OR52N5: variants seen among roughly 807,000 people sequenced by gnomAD.
The protein encoded by OR52N5 is olfactory receptor family 52 subfamily N member 5.
OR52N5 carries 10 observed loss-of-function variants against 14.1 expected under a neutral mutation model. The ratio of observed to expected loss-of-function variants is 0.71; its 90% CI spans 0.44 to 1.20. The LOEUF (loss-of-function observed/expected upper bound fraction) is 1.20. OR52N5 is among the 50% of genes most tolerant of loss of function. OR52N5 has a pLI of 0.00. For synonymous variants in OR52N5, 116 were observed against 143.0 expected (o/e 0.81, Z 1.35); for missense variants, 361 against 403.2 (o/e 0.90, Z 0.90).
chr11:5,778,374 T>C lies in OR52N5; in HGVS notation c.261A>G (p.Leu87=), dbSNP rs771518859. The part of the protein sequence containing the change: ...LIDLLTCTTT[L]PNALCIFWFS... ...ACCAGAAGATGCAGAGTGCATTGGG[T>C]AGAGTGGTGGTGCAGGTAAGGAGGT... The change falls in exon 3 of 3, where the codon CTA becomes CTG. Residue 87 remains leucine, a synonymous_variant. Coordinates refer to ENST00000641181, the MANE Select transcript of OR52N5 (RefSeq NM_001385662.1). 2 of 1,518,482 alleles carry C rather than the reference T, an allele frequency of 1.3e-6. No individual in the cohort carries two copies. Among genetic ancestry groups the C allele is most frequent in the East Asian group, 4.7e-5 (2 of 42,750 alleles). 94.1% of individuals were successfully genotyped at this position (1,518,482 alleles called of 1,614,324 possible).
At position 5,782,227 on chromosome 11, in the gene OR52N5, C is replaced by T. The variant is rs1202335109; in HGVS notation, c.-247-471G>A. Among the ~76,000 whole-genome samples, 4 of 138,764 alleles carry T rather than the reference C, an allele frequency of 2.9e-5. 1 individual carries two copies. Among genetic ancestry groups the T allele is most frequent in the Admixed American group, 7.5e-5 (1 of 13,420 alleles). 91.0% of individuals were successfully genotyped at this position (138,764 alleles called of 152,430 possible). On this transcript the variant is annotated intron_variant, in intron 1 of 2. Coordinates refer to ENST00000641181, the MANE Select transcript of OR52N5 (RefSeq NM_001385662.1). ...AAATTAAAAAATATATATATATTATCGACTGTATCTGTGCCAGGCAATGTA... is the reference window on the plus strand; with the variant it reads ...AAATTAAAAAATATATATATATTATTGACTGTATCTGTGCCAGGCAATGTA...
chr11:5,782,219 T>C (rs940202798), intron 1 of OR52N5, among the ~76,000 whole-genome samples: 2 of 139,308 alleles, frequency 1.4e-5, no homozygotes, highest in South Asian at 4.7e-4. Context: ...AAAATATATA[T>C]ATATTATCGA....
intron 1 of OR52N5, among the ~76,000 whole-genome samples, chr11:5,782,148 C>A (rs1854553547): frequency 7.1e-6 from 1 of 140,066 alleles, no homozygotes; most frequent in Non-Finnish European, 1.6e-5. Context: ...GTAATTGAAT[C>A]TGAATGTCTC....
At chr11:5,778,719 AT>A in intron 2 of OR52N5, 62 bp from the exon 3 acceptor site, 2 of 932,792 alleles carry the variant, frequency 2.1e-6, no homozygotes, top group Non-Finnish European at 3.1e-6. Flanking sequence ...ACAAATTCAA[AT>A]TTAGAATAAA....
chr11:5,781,159 G>A (rs539708996), intron 2 of OR52N5, among the ~76,000 whole-genome samples: 1 of 140,018 alleles, frequency 7.1e-6, no homozygotes, highest in Admixed American at 7.4e-5. Context: ...TAATGCAGAA[G>A]TTGTGGACTA....
rs1444933991 is a variant in OR52N5 at position 5,777,843 on chromosome 11, T to A, written c.792A>T (p.Ala264=). ...AACGGTGGGCAAAGAAAGTGAAGAA[T>A]GCTGGAACATAGGTGATGATGATGG... ...ISAIIITYVP[A]FFTFFAHRFG... is the part of the protein sequence containing the mutation. Residue 264 remains alanine, a synonymous_variant, in exon 3 of 3, where the codon GCA becomes GCT. Transcript: ENST00000641181. 2.0e-6 allele frequency: 3 copies of A among 1,519,666 alleles called. No individual in the cohort carries two copies. The highest frequency in any genetic ancestry group is 1.8e-4 in the Middle Eastern group (1 of 5,484). The allele number at this position is 1,519,666 out of a possible 1,614,324, so 94.1% of individuals were successfully genotyped here.
chr11:5,779,029 G>C (rs1257363092), intron 2 of OR52N5, among the ~76,000 whole-genome samples: 1 of 140,172 alleles, frequency 7.1e-6, no homozygotes, highest in Non-Finnish European at 1.6e-5. Context: ...CTTCACAGAG[G>C]ACATATCCTA....
Position 5,780,596 on chromosome 11 carries a change from T to TA in OR52N5, c.-24+936dup, listed in dbSNP as rs1249587618. Among the ~76,000 whole-genome samples the TA allele has an allele frequency of 4.3e-5, 6 of 139,242 alleles. 2 individuals carry two copies. The highest frequency in any genetic ancestry group is 1.6e-4 in the African/African-American group (6 of 38,236). 91.3% of individuals were successfully genotyped at this position (139,242 alleles called of 152,430 possible). A position where few individuals can be genotyped will look rare whatever the true frequency, so the allele number is the denominator to read the frequency against. On this transcript the variant is annotated intron_variant, in intron 2 of 2. Transcript: ENST00000641181. The stretch of plus-strand genomic sequence containing the variant: ...ATGAAAAAGGAGACATTACAACTGA[T>TA]ACAACAGACATACAAAGGTTCATAA...
rs755118014 is a variant in OR52N5 at position 5,778,432 on chromosome 11, T to C, written c.203A>G (p.Tyr68Cys). 3 of 1,511,180 alleles carry C rather than the reference T, an allele frequency of 2.0e-6. 1 individual carries two copies. In the South Asian group the frequency reaches 3.5e-5, roughly 18 times the overall value. The allele number at this position is 1,511,180 out of a possible 1,614,324, so 93.6% of individuals were successfully genotyped here. ...YYEESLHHPM[Y>C]FFFGHALSLI... ...GGAGAGAGCATGGCCAAAAAAAAAA[T>C]ACATCGGATGATGTAAGGACTCCTC... Residue 68 changes from tyrosine (Y) to cysteine (C), a missense_variant, in exon 3 of 3, where the codon TAT (tyrosine) becomes TGT (cysteine). Physicochemically the swap from Tyr to Cys is radical, Grantham distance 194. Coordinates refer to ENST00000641181, the MANE Select transcript of OR52N5 (RefSeq NM_001385662.1).
In OR52N5 at chr11:5,777,609, C is replaced by G; in HGVS notation, c.*51G>C. The G allele has an allele frequency of 8.0e-7, 1 of 1,243,116 alleles. No individual in the cohort carries two copies. Among genetic ancestry groups the G allele is most frequent in the Non-Finnish European group, 1.1e-6 (1 of 909,572 alleles). 77.0% of individuals were successfully genotyped at this position (1,243,116 alleles called of 1,614,324 possible). A position where few individuals can be genotyped will look rare whatever the true frequency, so the allele number is the denominator to read the frequency against. Reference sequence around the variant, plus strand: ...GTAAAATATCACACGTAAGTTTATTCTTTGTTATTTTTCATTTATCTTTCT... The same window carrying G: ...GTAAAATATCACACGTAAGTTTATTGTTTGTTATTTTTCATTTATCTTTCT... On this transcript the variant is annotated 3_prime_UTR_variant, in exon 3 of 3. Coordinates refer to ENST00000641181, the MANE Select transcript of OR52N5 (RefSeq NM_001385662.1).
At position 5,783,125 on chromosome 11, in the gene OR52N5, C is replaced by T. The variant is rs546970330; in HGVS notation, c.-248+170G>A. Among the ~76,000 whole-genome samples, 53 of 139,334 alleles carry T rather than the reference C, an allele frequency of 3.8e-4. 5 individuals carry two copies. Among genetic ancestry groups the T allele is most frequent in the Middle Eastern group, 7.5e-3 (2 of 268 alleles). The allele number at this position is 139,334 out of a possible 152,430, so 91.4% of individuals were successfully genotyped here. A position where few individuals can be genotyped will look rare whatever the true frequency, so the allele number is the denominator to read the frequency against. ...AACACATATCCCTTACAAGTACTAT[C>T]TCTGCTTTGAATGTGGAATGAACAT... On this transcript the variant is annotated intron_variant, in intron 1 of 2. Transcript: ENST00000641181.
In OR52N5 at chr11:5,776,283, C is replaced by T. The variant is rs1449472392; in HGVS notation, c.*1377G>A. 1 of 139,700 alleles carries T rather than the reference C, an allele frequency of 7.2e-6. No homozygotes were observed. The highest frequency in any genetic ancestry group is 1.6e-5 in the Non-Finnish European group (1 of 63,200). 8.7% of individuals were successfully genotyped at this position (139,700 alleles called of 1,614,324 possible). A position where few individuals can be genotyped will look rare whatever the true frequency, so the allele number is the denominator to read the frequency against. On this transcript the variant is annotated 3_prime_UTR_variant, in exon 3 of 3. Coordinates refer to ENST00000641181, the MANE Select transcript of OR52N5 (RefSeq NM_001385662.1). ...GAAATGAAATAACTAACAAATGAAG[C>T]ATGAATGAATGAATCAGTGAATCAA...
At chr11:5,780,521 A>G (rs1055882379) in intron 2 of OR52N5, among the ~76,000 whole-genome samples, 2 of 138,822 alleles carry the variant, frequency 1.4e-5, no homozygotes, top group African/African-American at 5.3e-5. Context: ...ACATTTAGCT[A>G]GATTAACTGA....
chr11:5,782,250 G>C (rs901593908), intron 1 of OR52N5, among the ~76,000 whole-genome samples: 2 of 139,180 alleles, frequency 1.4e-5, no homozygotes, highest in Non-Finnish European at 3.2e-5. Context: ...GCCAGGCAAT[G>C]TATCCTTTGG....
Position 5,778,551 on chromosome 11 carries a change from C to G in OR52N5, c.84G>C (p.Leu28=), listed in dbSNP as rs1854522190. The change falls in exon 3 of 3, where the codon CTG becomes CTC. Residue 28 remains leucine, a synonymous_variant. Transcript: ENST00000641181. ...PSFILNGIPG[L]ERVHVWISLP... ...GGGAGATCCATACATGTACTCTTTCCAGACCAGGTATTCCATTAAGAATAA... is the reference window on the plus strand; with the variant it reads ...GGGAGATCCATACATGTACTCTTTCGAGACCAGGTATTCCATTAAGAATAA... The G allele has an allele frequency of 6.7e-7, 1 of 1,503,484 alleles. No homozygotes were observed. Among genetic ancestry groups the G allele is most frequent in the South Asian group, 1.2e-5 (1 of 85,050 alleles). The allele number at this position is 1,503,484 out of a possible 1,614,324, so 93.1% of individuals were successfully genotyped here.
In OR52N5 at chr11:5,777,528, A is replaced by C; in HGVS notation, c.*132T>G. 1 of 720,930 alleles carries C rather than the reference A, an allele frequency of 1.4e-6. No individual in the cohort carries two copies. Among genetic ancestry groups the C allele is most frequent in the African/African-American group, 1.9e-5 (1 of 52,326 alleles). The allele number at this position is 720,930 out of a possible 1,614,324, so 44.7% of individuals were successfully genotyped here. On this transcript the variant is annotated 3_prime_UTR_variant, in exon 3 of 3. Coordinates refer to ENST00000641181, the MANE Select transcript of OR52N5 (RefSeq NM_001385662.1). The stretch of plus-strand genomic sequence containing the variant: ...AATGGGCTATAAATTTCCCCAAAAC[A>C]GTTTCAGAAAACATAGACTGAGAGA...
rs774908683 is a variant in OR52N5 at position 5,781,689 on chromosome 11, G to A, written c.-180C>T. Reference sequence around the variant, plus strand: ...ATCCTATCACTGTTGCATCCTGTGCGGCCTCCTCATCCCACGCTGGGCAGC... The same window carrying A: ...ATCCTATCACTGTTGCATCCTGTGCAGCCTCCTCATCCCACGCTGGGCAGC... On this transcript the variant is annotated 5_prime_UTR_variant, in exon 2 of 3. Transcript: ENST00000641181. 3 of 139,024 alleles carry A rather than the reference G, an allele frequency of 2.2e-5. No homozygotes were observed. Among genetic ancestry groups the A allele is most frequent in the South Asian group, 4.7e-4 (2 of 4,270 alleles). The allele number at this position is 139,024 out of a possible 1,614,324, so 8.6% of individuals were successfully genotyped here. A position where few individuals can be genotyped will look rare whatever the true frequency, so the allele number is the denominator to read the frequency against.
rs867784921 is a variant in OR52N5 at position 5,778,911 on chromosome 11, C to T, written c.-23-254G>A. Among the ~76,000 whole-genome samples the T allele has an allele frequency of 4.3e-5, 6 of 138,958 alleles. 1 individual carries two copies. Among genetic ancestry groups the T allele is most frequent in the Middle Eastern group, 3.7e-3 (1 of 270 alleles). 91.2% of individuals were successfully genotyped at this position (138,958 alleles called of 152,430 possible). A position where few individuals can be genotyped will look rare whatever the true frequency, so the allele number is the denominator to read the frequency against. On this transcript the variant is annotated intron_variant, in intron 2 of 2. Coordinates refer to ENST00000641181, the MANE Select transcript of OR52N5 (RefSeq NM_001385662.1). ...CACAAAATAAAAGTAGAAACTGGGGCGCAGAAAGATTGAATAATATTAAAT... is the reference window on the plus strand; with the variant it reads ...CACAAAATAAAAGTAGAAACTGGGGTGCAGAAAGATTGAATAATATTAAAT...
chr11:5,781,160 T>A lies in OR52N5; in HGVS notation c.-24+373A>T, dbSNP rs1854546709. Among the ~76,000 whole-genome samples the A allele has an allele frequency of 2.1e-5, 3 of 139,946 alleles. 1 individual carries two copies. The South Asian group carries it at 7.0e-4, about 33-fold the overall frequency. The allele number at this position is 139,946 out of a possible 152,430, so 91.8% of individuals were successfully genotyped here. On this transcript the variant is annotated intron_variant, in intron 2 of 2. Coordinates refer to ENST00000641181, the MANE Select transcript of OR52N5 (RefSeq NM_001385662.1). ...CTTATAAACAGAATTAATGCAGAAG[T>A]TGTGGACTAACATGTAGTAGTTCAG...
Sources: gnomAD v4.1 joint callset for allele counts (sites outside exome capture counted in the v4.1 genomes callset) on GRCh38, gnomAD v4.1.1 for gene constraint, MANE v1.5 for transcripts, NCBI Gene and HGNC (gene_info 2026-07-23, HGNC 2026-07-21) for gene names.